Variants in HIVEP1 observed in about 807,000 individuals in gnomAD.
HIVEP1 encodes HIVEP zinc finger 1.
HIVEP1 carries 36 observed loss-of-function variants against 180.0 expected under a neutral mutation model. The ratio of observed to expected loss-of-function variants is 0.20; its 90% CI spans 0.15 to 0.26. The LOEUF (loss-of-function observed/expected upper bound fraction) is 0.26, where lower values mean the gene tolerates loss of function less well. HIVEP1 is among the 10% of genes least tolerant of loss of function. The pLI, the probability that HIVEP1 is intolerant of heterozygous loss-of-function variation, is 1.00. For missense variants in HIVEP1, 3,143 were observed against 3,268.7 expected (o/e 0.96, Z 0.94); for synonymous variants, 1,239 against 1,239.0 (o/e 1.00, Z 0.00).
chr6:12,116,467 A>G (rs1561955132), intron 3 of HIVEP1, among the ~76,000 whole-genome samples: 1 of 151,936 alleles, frequency 6.6e-6, no homozygotes, highest in Non-Finnish European at 1.5e-5. Context: ...ATAGTGCAGT[A>G]TTCTTCTCAC....
At chr6:12,207,640 A>G in the HIVEP1 span, among the ~76,000 whole-genome samples, 1 of 151,472 alleles carries the variant, frequency 6.6e-6, no homozygotes, top group East Asian at 1.9e-4. Context: ...ATGGTGGCTC[A>G]CACCTGTAAA....
At chr6:12,189,966 TTGTTG>T in the HIVEP1 span, among the ~76,000 whole-genome samples, 1 of 152,210 alleles carries the variant, frequency 6.6e-6, no homozygotes, top group Non-Finnish European at 1.5e-5. Context: ...TTACATTGTA[TTGTTG>T]TGTTGTGTTG....
intron 2 of HIVEP1, among the ~76,000 whole-genome samples, chr6:12,060,518 A>G (rs1771156373): frequency 6.6e-6 from 1 of 152,234 alleles, no homozygotes; most frequent in Admixed American, 6.5e-5. Flanking sequence ...GAAACAATGC[A>G]TATTAAGTAC....
chr6:12,090,015 G>A (rs1773368821), intron 3 of HIVEP1, among the ~76,000 whole-genome samples: 2 of 152,078 alleles, frequency 1.3e-5, no homozygotes, highest in Admixed American at 6.6e-5. Flanking sequence ...TGCAATGGGT[G>A]TAATTTTGTA....
At chr6:12,111,652 A>G (rs1027650344) in intron 3 of HIVEP1, among the ~76,000 whole-genome samples, 5 of 152,342 alleles carry the variant, frequency 3.3e-5, no homozygotes, top group African/African-American at 1.2e-4. Flanking sequence ...AAAGCCAGCA[A>G]TGGCAGGTCA....
At chr6:12,062,514 G>T (rs1771306114) in intron 2 of HIVEP1, among the ~76,000 whole-genome samples, 1 of 152,008 alleles carries the variant, frequency 6.6e-6, no homozygotes, top group Non-Finnish European at 1.5e-5. Flanking sequence ...GCCAAAATTG[G>T]TTTTCTTTTT....
the HIVEP1 span, among the ~76,000 whole-genome samples, chr6:12,191,169 A>C: frequency 6.6e-6 from 1 of 152,258 alleles, no homozygotes; most frequent in African/African-American, 2.4e-5. Flanking sequence ...TCACAATAGC[A>C]TTCTAACAGT....
chr6:12,158,837 A>G (rs1206871535), intron 7 of HIVEP1, among the ~76,000 whole-genome samples: 1 of 152,160 alleles, frequency 6.6e-6, no homozygotes, highest in Non-Finnish European at 1.5e-5. Flanking sequence ...TGGTGGAGAC[A>G]GGGGAGATGG....
chr6:12,087,421 A>G (rs1249848267), intron 2 of HIVEP1, among the ~76,000 whole-genome samples: 2 of 152,118 alleles, frequency 1.3e-5, no homozygotes, highest in Non-Finnish European at 2.9e-5. Flanking sequence ...TATTAAGCAC[A>G]GTTGTTACTA....
chr6:12,207,461 G>C, the HIVEP1 span, among the ~76,000 whole-genome samples: 1 of 151,806 alleles, frequency 6.6e-6, no homozygotes, highest in African/African-American at 2.4e-5. Context: ...GTTAATAATA[G>C]AAAAAAAGGA....
chr6:12,018,918 A>G (rs189780923), intron 2 of HIVEP1, among the ~76,000 whole-genome samples: 1 of 152,354 alleles, frequency 6.6e-6, no homozygotes, highest in East Asian at 1.9e-4. Flanking sequence ...ATTTAAGCCT[A>G]CATTTCATAT....
At chr6:12,072,178 G>A (rs563288693) in intron 2 of HIVEP1, among the ~76,000 whole-genome samples, 1 of 151,916 alleles carries the variant, frequency 6.6e-6, no homozygotes, top group South Asian at 2.1e-4. Flanking sequence ...TCTGTCCCCT[G>A]CTATGGTGCT....
At chr6:12,141,720 A>AAAAAAAAG (rs1759047957) in intron 7 of HIVEP1, among the ~76,000 whole-genome samples, 1 of 121,438 alleles carries the variant, frequency 8.2e-6, no homozygotes. Flanking sequence ...AAAAAAAAAA[A>AAAAAAAAG]GCAGGGGTTG....
At chr6:12,009,692 C>T (rs1469006195), upstream of HIVEP1, among the ~76,000 whole-genome samples, 4 of 152,170 alleles carry the variant, frequency 2.6e-5, no homozygotes, top group Non-Finnish European at 5.9e-5. Flanking sequence ...TTCCCTGCAT[C>T]CTGATATCTG....
chr6:12,152,852 T>TCCTGA (rs1759789955), intron 7 of HIVEP1, among the ~76,000 whole-genome samples: 1 of 152,156 alleles, frequency 6.6e-6, no homozygotes, highest in Non-Finnish European at 1.5e-5. Context: ...ATACTGCTAA[T>TCCTGA]CCTGACCTGA....
chr6:12,111,185 A>T (rs549514568), intron 3 of HIVEP1, among the ~76,000 whole-genome samples: 1 of 152,356 alleles, frequency 6.6e-6, no homozygotes, highest in Admixed American at 6.5e-5. Flanking sequence ...AGTTTGAAGT[A>T]TTGCAAGAAT....
At chr6:12,014,411 A>G (rs1767605564) in intron 1 of HIVEP1, among the ~76,000 whole-genome samples, 1 of 152,178 alleles carries the variant, frequency 6.6e-6, no homozygotes, top group Non-Finnish European at 1.5e-5. Context: ...AATGATAGCT[A>G]CCTTCTTAGT....
At position 12,163,429 on chromosome 6, in the gene HIVEP1, T is replaced by G; in HGVS notation, c.7125T>G (p.Ser2375=). 1 of 1,614,096 alleles carries G rather than the reference T, an allele frequency of 6.2e-7. No homozygotes were observed. Among genetic ancestry groups the G allele is most frequent in the Non-Finnish European group, 8.5e-7 (1 of 1,180,016 alleles). The change falls in exon 9 of 9, where the codon TCT becomes TCG. Residue 2375 remains serine, a synonymous_variant. Coordinates refer to ENST00000379388, the MANE Select transcript of HIVEP1 (RefSeq NM_002114.4). ...ITLQPTPGLP[S]PHTHLFSHLP... ...TACAGCCGACTCCAGGCTTGCCTTC[T>G]CCCCACACTCATTTGTTTAGCCACC...
At chr6:12,096,325 A>G (rs1340539683) in intron 3 of HIVEP1, among the ~76,000 whole-genome samples, 2 of 151,976 alleles carry the variant, frequency 1.3e-5, no homozygotes, top group African/African-American at 4.8e-5. Flanking sequence ...AAGTCAGTTG[A>G]TAAGTGGGAT....
Sources: gnomAD v4.1 joint callset for allele counts (sites outside exome capture counted in the v4.1 genomes callset) on GRCh38, gnomAD v4.1.1 for gene constraint, MANE v1.5 for transcripts, NCBI Gene and HGNC (gene_info 2026-07-23, HGNC 2026-07-21) for gene names.